RPS6KA6: variants seen among roughly 807,000 people sequenced by gnomAD.
RPS6KA6 encodes ribosomal protein S6 kinase alpha-6.
In RPS6KA6, 27 loss-of-function variants were observed where a neutral mutation model predicts 65.4. The ratio of observed to expected loss-of-function variants is 0.41; its 90% CI spans 0.30 to 0.57. The LOEUF (loss-of-function observed/expected upper bound fraction) is 0.57, where lower values mean the gene tolerates loss of function less well. RPS6KA6 is among the 20% of genes least tolerant of loss of function. The pLI, the probability that RPS6KA6 is intolerant of heterozygous loss-of-function variation, is 0.24. For missense variants in RPS6KA6, 486 were observed against 555.6 expected (o/e 0.87, Z 1.26); for synonymous variants, 190 against 184.2 (o/e 1.03, Z -0.26).
chrX:84,156,425 T>C (rs2035417540), intron 2 of RPS6KA6, among the ~76,000 whole-genome samples: 2 of 110,947 alleles, frequency 1.8e-5, no homozygotes, highest in Admixed American at 1.9e-4. Context: ...AAAAGAAATC[T>C]ATGCTTCAGC....
chrX:84,111,706 A>G (rs1169308881), intron 12 of RPS6KA6, among the ~76,000 whole-genome samples: 2 of 112,155 alleles, frequency 1.8e-5, no homozygotes, highest in African/African-American at 6.5e-5. Context: ...GATGGAAACA[A>G]AAGTATGTCA....
chrX:84,123,406 G>A (rs1206484655), intron 8 of RPS6KA6, among the ~76,000 whole-genome samples: 1 of 112,890 alleles, frequency 8.9e-6, no homozygotes, highest in Non-Finnish European at 1.9e-5. Flanking sequence ...CTGAGCCTAG[G>A]CTCTTGGATA....
chrX:84,127,849 C>A (rs1444261443), intron 8 of RPS6KA6, among the ~76,000 whole-genome samples: 1 of 110,088 alleles, frequency 9.1e-6, no homozygotes, highest in Non-Finnish European at 1.9e-5. Flanking sequence ...ATATATGACA[C>A]ACCCACAGTT....
At chrX:84,071,152 T>C (rs1055723881) in intron 20 of RPS6KA6, among the ~76,000 whole-genome samples, 4 of 110,727 alleles carry the variant, frequency 3.6e-5, no homozygotes, top group African/African-American at 1.3e-4. Flanking sequence ...AAGGCAGACA[T>C]AGTTAGCAGG....
At chrX:84,126,041 T>A (rs933199978) in intron 8 of RPS6KA6, among the ~76,000 whole-genome samples, 2 of 110,663 alleles carry the variant, frequency 1.8e-5, no homozygotes, top group African/African-American at 6.6e-5. Context: ...GACTAAACAA[T>A]CAAAATACAC....
intron 1 of RPS6KA6, among the ~76,000 whole-genome samples, chrX:84,170,191 A>G (rs1468535356): frequency 1.1e-4 from 12 of 109,081 alleles, no homozygotes; most frequent in Non-Finnish European, 5.7e-5. Flanking sequence ...AAAAAAGAAA[A>G]TATGTCTCTC....
At chrX:84,174,970 T>A (rs897305773) in intron 1 of RPS6KA6, among the ~76,000 whole-genome samples, 1 of 112,117 alleles carries the variant, frequency 8.9e-6, no homozygotes, top group East Asian at 2.8e-4. Context: ...TTTCCTTCGA[T>A]TTTTATTAGT....
chrX:84,174,023 C>T (rs961427946), intron 1 of RPS6KA6, among the ~76,000 whole-genome samples: 1 of 112,077 alleles, frequency 8.9e-6, no homozygotes, highest in Admixed American at 9.4e-5. Context: ...TTTACTATAA[C>T]ACACTTTATC....
chrX:84,174,737 C>T (rs1306552435), intron 1 of RPS6KA6, among the ~76,000 whole-genome samples: 1 of 111,549 alleles, frequency 9.0e-6, no homozygotes, highest in African/African-American at 3.3e-5. Flanking sequence ...TATCAGTAAA[C>T]ACTGTGTTAC....
At chrX:84,116,349 C>A in intron 11 of RPS6KA6, 62 bp from the exon 12 acceptor site, 1 of 580,128 alleles carries the variant, frequency 1.7e-6, no homozygotes, top group South Asian at 3.6e-5. Context: ...TCCCTGGCTT[C>A]CAGACTGCTA....
intron 2 of RPS6KA6, among the ~76,000 whole-genome samples, chrX:84,162,220 T>A: frequency 9.1e-6 from 1 of 109,501 alleles, no homozygotes; most frequent in African/African-American, 3.3e-5. Flanking sequence ...CTACACTATT[T>A]TAAAACAGTA....
intron 20 of RPS6KA6, among the ~76,000 whole-genome samples, chrX:84,071,666 A>C (rs2033545841): frequency 8.9e-6 from 1 of 111,881 alleles, no homozygotes; most frequent in Non-Finnish European, 1.9e-5. Flanking sequence ...AGTTGGTTTT[A>C]TGAAAAGATA....
chrX:84,148,753 C>T (rs978993810), intron 3 of RPS6KA6, among the ~76,000 whole-genome samples: 2 of 111,401 alleles, frequency 1.8e-5, no homozygotes, highest in Admixed American at 1.9e-4. Context: ...TCATCTGAGT[C>T]TTCAGTGAGA....
At chrX:84,125,579 G>C in intron 8 of RPS6KA6, among the ~76,000 whole-genome samples, 1 of 111,700 alleles carries the variant, frequency 9.0e-6, no homozygotes, top group Middle Eastern at 4.6e-3. Context: ...AAAAGGCTGG[G>C]TGTGGTGGAT....
intron 8 of RPS6KA6, among the ~76,000 whole-genome samples, chrX:84,129,690 T>A (rs895837574): frequency 9.0e-6 from 1 of 111,592 alleles, no homozygotes; most frequent in Non-Finnish European, 1.9e-5. Flanking sequence ...GAACCTGTCA[T>A]CTGCATTGTG....
intron 1 of RPS6KA6, 37 bp from the exon 2 acceptor site, chrX:84,164,424 AT>A: frequency 9.9e-7 from 1 of 1,005,653 alleles, no homozygotes. Context: ...GTTCAAAAGT[AT>A]TAAAACAAGA....
Position 84,107,049 on chromosome X carries a change from C to G in RPS6KA6, c.1112-9G>C, listed in dbSNP as rs767204255. 2 of 1,174,664 alleles carry G rather than the reference C, an allele frequency of 1.7e-6. No homozygotes were observed. Among genetic ancestry groups the G allele is most frequent in the Non-Finnish European group, 2.3e-6 (2 of 872,419 alleles). ...TGGCAAACCGGGAGAATCTAATGTC[C>G]AAATAATTACATTTAATTATAACTA... On this transcript the variant is annotated splice_polypyrimidine_tract_variant and intron_variant, in intron 13 of 21. Coordinates refer to ENST00000262752, the MANE Select transcript of RPS6KA6 (RefSeq NM_014496.5).
chrX:84,084,245 T>TGCAACTGCTTTTGTC (rs1219094970), intron 20 of RPS6KA6, among the ~76,000 whole-genome samples: 6 of 112,634 alleles, frequency 5.3e-5, no homozygotes, highest in Admixed American at 9.4e-5. Flanking sequence ...TTGCTTTTGT[T>TGCAACTGCTTTTGTC]GCAACTGCTT....
intron 1 of RPS6KA6, among the ~76,000 whole-genome samples, chrX:84,182,080 C>T (rs1388468571): frequency 9.2e-6 from 1 of 108,739 alleles, no homozygotes; most frequent in Non-Finnish European, 1.9e-5. Flanking sequence ...CACACACACA[C>T]ACACACACAC....
Sources: gnomAD v4.1 joint callset for allele counts (sites outside exome capture counted in the v4.1 genomes callset) on GRCh38, gnomAD v4.1.1 for gene constraint, MANE v1.5 for transcripts, NCBI Gene and HGNC (gene_info 2026-07-23, HGNC 2026-07-21) for gene names.